Variants in DLGAP2 observed in about 807,000 individuals in gnomAD.
DLGAP2 encodes the protein disks large-associated protein 2.
DLGAP2 carries 26 observed loss-of-function variants against 100.3 expected under a neutral mutation model. The observed-to-expected ratio is 0.26, with a 90% CI of 0.19 to 0.36. The LOEUF (loss-of-function observed/expected upper bound fraction) is 0.36, where lower values mean the gene tolerates loss of function less well. Ranked by LOEUF, DLGAP2 falls within the 10% of genes least tolerant of loss-of-function variation. DLGAP2 has a pLI of 1.00. For synonymous variants in DLGAP2, 886 were observed against 630.1 expected (o/e 1.41, Z -6.08); for missense variants, 1,858 against 1,453.2 (o/e 1.28, Z -4.53).
intron 2 of DLGAP2, chr8:910,702 G>C (rs1276478842): frequency 1.3e-5 from 2 of 152,240 alleles, no homozygotes; most frequent in Non-Finnish European, 2.9e-5. Context: ...TACACGGGAA[G>C]TTGGAGTGAC....
intron 2 of DLGAP2, among the ~76,000 whole-genome samples, chr8:974,428 T>C (rs1336093302): frequency 6.6e-6 from 1 of 152,166 alleles, no homozygotes. Context: ...GATGACTTCA[T>C]CCAAAACAGC....
At chr8:860,779 G>A (rs141345558) in intron 1 of DLGAP2, among the ~76,000 whole-genome samples, 26 of 152,330 alleles carry the variant, frequency 1.7e-4, no homozygotes, top group African/African-American at 6.0e-4. Flanking sequence ...GGCAGGTAGC[G>A]TGTGCACCCT....
intron 2 of DLGAP2, among the ~76,000 whole-genome samples, chr8:965,907 G>C (rs561987996): frequency 1.3e-5 from 2 of 152,300 alleles, no homozygotes; most frequent in East Asian, 3.9e-4. Context: ...TGTGGCTCCT[G>C]AGCCTGAGGA....
intron 3 of DLGAP2, among the ~76,000 whole-genome samples, chr8:1,329,628 G>A (rs1187184518): frequency 1.3e-5 from 2 of 152,128 alleles, no homozygotes; most frequent in Non-Finnish European, 2.9e-5. Flanking sequence ...GGTAGCCGAG[G>A]GGAATGAACA....
chr8:1,639,153 C>T (rs1585021553), intron 8 of DLGAP2, among the ~76,000 whole-genome samples: 3 of 152,198 alleles, frequency 2.0e-5, no homozygotes, highest in Admixed American at 6.5e-5. Context: ...GTGTGGAGGT[C>T]GAGGCTGGAG....
Position 1,269,530 on chromosome 8 carries a change from C to T in DLGAP2, c.106+10647C>T, listed in dbSNP as rs148612301. On this transcript the variant is annotated intron_variant, in intron 3 of 14. Coordinates refer to ENST00000637795, the MANE Select transcript of DLGAP2 (RefSeq NM_001346810.2). ...ACTGGGAGAAGTAAGACCCCCTCAACCCTGAAACCCCGTATTATTGTGGCT... is the reference window on the plus strand; with the variant it reads ...ACTGGGAGAAGTAAGACCCCCTCAATCCTGAAACCCCGTATTATTGTGGCT... Among the ~76,000 whole-genome samples the T allele has an allele frequency of 5.3e-5, 8 of 152,318 alleles. No homozygotes were observed. The East Asian group carries it at 1.4e-3, about 26-fold the overall frequency.
chr8:1,209,551 ACTC>A (rs1275026410), intron 2 of DLGAP2, among the ~76,000 whole-genome samples: 1 of 152,062 alleles, frequency 6.6e-6, no homozygotes, highest in African/African-American at 2.4e-5. Flanking sequence ...TTTCTATACT[ACTC>A]TAATAAATTC....
intron 3 of DLGAP2, among the ~76,000 whole-genome samples, chr8:1,349,041 G>T (rs1288122832): frequency 5.9e-5 from 9 of 151,912 alleles, no homozygotes; most frequent in African/African-American, 1.7e-4. Flanking sequence ...TAGCTGCAGG[G>T]TGGAGATGCG....
intron 4 of DLGAP2, among the ~76,000 whole-genome samples, chr8:1,525,174 C>G (rs966743514): frequency 1.4e-5 from 2 of 141,952 alleles, no homozygotes; most frequent in Non-Finnish European, 3.0e-5. Context: ...ACCGGTGTGT[C>G]TCTAGGACTC....
rs896660764 is a variant in DLGAP2, at chr8:1,487,520, G to A, written c.107-13846G>A. Among the ~76,000 whole-genome samples the A allele has an allele frequency of 1.2e-4, 18 of 152,324 alleles. No homozygotes were observed. In the East Asian group the frequency reaches 2.1e-3, roughly 18 times the overall value. On this transcript the variant is annotated intron_variant, in intron 3 of 14. Coordinates refer to ENST00000637795, the MANE Select transcript of DLGAP2 (RefSeq NM_001346810.2). ...GTTGATTCCATTCTGTAGGACAACT[G>A]AATGCAGGTTTAAAACAGTGCTACT... is the stretch of plus-strand genomic sequence containing the variant.
chr8:959,622 G>A (rs1372569595), intron 2 of DLGAP2, among the ~76,000 whole-genome samples: 1 of 152,216 alleles, frequency 6.6e-6, no homozygotes, highest in Non-Finnish European at 1.5e-5. Flanking sequence ...TTGAACTTGA[G>A]TGTGGTCTTC....
chr8:857,939 C>T lies in DLGAP2; in HGVS notation c.19-49973C>T, dbSNP rs113777475. 7.8e-3 allele frequency among the ~76,000 whole-genome samples: 1,183 copies of T among 150,806 alleles called. 15 individuals are homozygous for T. The highest frequency in any genetic ancestry group is 0.028 in the African/African-American group (1,147 of 40,954). Reference sequence around the variant, plus strand: ...AGGCTGGAGTGCAGTGGTGTGATCTCGGCTCACTGCAGCCTCTGTCTCCTG... The same window carrying T: ...AGGCTGGAGTGCAGTGGTGTGATCTTGGCTCACTGCAGCCTCTGTCTCCTG... On this transcript the variant is annotated intron_variant, in intron 1 of 14. Coordinates refer to ENST00000637795, the MANE Select transcript of DLGAP2 (RefSeq NM_001346810.2).
intron 8 of DLGAP2, among the ~76,000 whole-genome samples, chr8:1,667,433 C>A (rs1338148933): frequency 3.3e-5 from 5 of 152,256 alleles, no homozygotes; most frequent in African/African-American, 1.2e-4. Context: ...CACAGGTGAG[C>A]GTGGCCTGGC....
At chr8:1,537,373 C>T (rs1399151735) in intron 4 of DLGAP2, among the ~76,000 whole-genome samples, 1 of 152,028 alleles carries the variant, frequency 6.6e-6, no homozygotes, top group Non-Finnish European at 1.5e-5. Context: ...ATGGGGAGGC[C>T]ATGACAGTTT....
At chr8:1,336,009 A>C (rs2117069816) in intron 3 of DLGAP2, among the ~76,000 whole-genome samples, 1 of 152,230 alleles carries the variant, frequency 6.6e-6, no homozygotes, top group Middle Eastern at 3.4e-3. Context: ...CAGGGGGGAA[A>C]ACATCACAAT....
Position 1,677,251 on chromosome 8 carries a change from A to G in DLGAP2, c.2288+633A>G, listed in dbSNP as rs536427295. On this transcript the variant is annotated intron_variant, in intron 11 of 14. Transcript: ENST00000637795. ...GAGCGTTTTAGCACCCACCCTATGG[A>G]GATTTTGATTGCAAAGAAATTCCGA... Among the ~76,000 whole-genome samples the G allele has an allele frequency of 2.0e-5, 3 of 152,156 alleles. No homozygotes were observed. The South Asian group carries it at 6.2e-4, about 32-fold the overall frequency.
At chr8:1,152,764 G>A (rs191969933) in intron 2 of DLGAP2, among the ~76,000 whole-genome samples, 6 of 152,274 alleles carry the variant, frequency 3.9e-5, no homozygotes, top group South Asian at 2.1e-4. Flanking sequence ...TGAAGCTAAC[G>A]GCTATGTCTA....
At position 1,164,144 on chromosome 8, in the gene DLGAP2, ATTTTTCTGTGAGCCCCC is replaced by A. The variant is rs1563224096; in HGVS notation, c.74-94706_74-94690del. On this transcript the variant is annotated intron_variant, in intron 2 of 14. Transcript: ENST00000637795. ...GGGCCCGTCATTTTGGTTTGTGGGG[ATTTTTCTGTGAGCCCCC>A]CAGGGCCCGTCATTTTGGTTTGTGG... Among the ~76,000 whole-genome samples the A allele has an allele frequency of 1.1e-3, 114 of 106,742 alleles. 8 individuals carry two copies. Among genetic ancestry groups the A allele is most frequent in the South Asian group, 1.2e-3 (4 of 3,314 alleles). 70.0% of individuals were successfully genotyped at this position (106,742 alleles called of 152,430 possible). A position where few individuals can be genotyped will look rare whatever the true frequency, so the allele number is the denominator to read the frequency against.
At position 1,708,288 on chromosome 8, in the gene DLGAP2, G is replaced by A. The variant is rs1213288714; in HGVS notation, c.*6882G>A. On this transcript the variant is annotated 3_prime_UTR_variant, in exon 15 of 15. Coordinates refer to ENST00000637795, the MANE Select transcript of DLGAP2 (RefSeq NM_001346810.2). ...ATTTTAATCTCAGAAAAATTATATAGACCAAAGAGTTTTATCCGAAAAAAA... is the reference window on the plus strand; with the variant it reads ...ATTTTAATCTCAGAAAAATTATATAAACCAAAGAGTTTTATCCGAAAAAAA... The A allele has an allele frequency of 2.0e-5, 3 of 151,838 alleles. No individual in the cohort carries two copies. The highest frequency in any genetic ancestry group is 2.9e-5 in the Non-Finnish European group (2 of 67,970). The allele number at this position is 151,838 out of a possible 1,614,324, so 9.4% of individuals were successfully genotyped here.
Sources: gnomAD v4.1 joint callset for allele counts (sites outside exome capture counted in the v4.1 genomes callset) on GRCh38, gnomAD v4.1.1 for gene constraint, MANE v1.5 for transcripts, NCBI Gene and HGNC (gene_info 2026-07-23, HGNC 2026-07-21) for gene names.